The following DGCR8 variants were observed in gnomAD, a reference collection of about 807,000 sequenced individuals.
The protein encoded by DGCR8 is microprocessor complex subunit DGCR8.
DGCR8 carries 14 observed loss-of-function variants against 78.5 expected under a neutral mutation model. The ratio of observed to expected loss-of-function variants is 0.18; its 90% confidence interval spans 0.12 to 0.28. DGCR8 has a LOEUF of 0.28. DGCR8 is among the 10% of genes least tolerant of loss of function. DGCR8 has a pLI of 1.00. For synonymous variants in DGCR8, 399 were observed against 402.4 expected (o/e 0.99, Z 0.10); for missense variants, 702 against 1,022.5 (o/e 0.69, Z 4.28).
At chr22:20,109,220 GC>G in intron 13 of DGCR8, 1 of 430,550 alleles carries the variant, frequency 2.3e-6, no homozygotes, top group Admixed American at 3.5e-5. Context: ...GAGCTGGCAG[GC>G]CAGCCTGTTG....
At chr22:20,099,184 G>A (rs969542252) in intron 9 of DGCR8, among the ~76,000 whole-genome samples, 10 of 152,190 alleles carry the variant, frequency 6.6e-5, no homozygotes, top group Non-Finnish European at 1.2e-4. Flanking sequence ...AGGTCAGTCA[G>A]CTGGGAGGTT....
Position 20,111,819 on chromosome 22 carries a change from G to A in DGCR8, c.*1711G>A. The A allele has an allele frequency of 4.9e-6, 1 of 204,782 alleles. No homozygotes were observed. Among genetic ancestry groups the A allele is most frequent in the Non-Finnish European group, 9.8e-6 (1 of 102,446 alleles). The allele number at this position is 204,782 out of a possible 1,614,324, so 12.7% of individuals were successfully genotyped here. On this transcript the variant is annotated 3_prime_UTR_variant, in exon 14 of 14. Transcript: ENST00000351989. ...CTGATGCCATCCAGGGCACTGGGCT[G>A]TGCCTGGAAGGCGAGCCTTGATTGT...
chr22:20,080,472 C>T, intron 1 of DGCR8, 89 bp downstream of exon 1: 4 of 983,726 alleles, frequency 4.1e-6, no homozygotes, highest in Non-Finnish European at 4.8e-6. Flanking sequence ...CGCCTCCCTC[C>T]GGGACCGAGG....
rs1028760898 is a variant in DGCR8 at position 20,086,817 on chromosome 22, A to G, written c.720+134A>G. ...ACCAAAATCCCCTCTGAGGTGGAAT[A>G]ATGTTAATGTGGAGAAGAGAAAGAT... is the stretch of plus-strand genomic sequence containing the variant. On this transcript the variant is annotated intron_variant, in intron 2 of 13. Transcript: ENST00000351989. The surrounding 1 kb of genome is among the most constrained non-coding windows in gnomAD (Gnocchi z 6.4). The G allele has an allele frequency of 9.3e-7, 1 of 1,070,876 alleles. No individual in the cohort carries two copies. The highest frequency in any genetic ancestry group is 1.6e-5 in the African/African-American group (1 of 62,964). 66.3% of individuals were successfully genotyped at this position (1,070,876 alleles called of 1,614,324 possible). A position where few individuals can be genotyped will look rare whatever the true frequency, so the allele number is the denominator to read the frequency against.
chr22:20,104,358 G>A (rs1422212490), intron 9 of DGCR8, among the ~76,000 whole-genome samples: 1 of 151,918 alleles, frequency 6.6e-6, no homozygotes, highest in Admixed American at 6.6e-5. Context: ...TAGTAGAGAC[G>A]GGGTTTCACC....
chr22:20,097,121 C>G (rs183357474), intron 9 of DGCR8, among the ~76,000 whole-genome samples: 1 of 152,210 alleles, frequency 6.6e-6, no homozygotes, highest in Non-Finnish European at 1.5e-5. Flanking sequence ...CAATATTGAT[C>G]TGTAGTTTTC....
chr22:20,111,755 A>G lies in DGCR8; in HGVS notation c.*1647A>G. On this transcript the variant is annotated 3_prime_UTR_variant, in exon 14 of 14. Coordinates refer to ENST00000351989, the MANE Select transcript of DGCR8 (RefSeq NM_022720.7). ...TGCCAAGCATGGGTATGAATCGTGC[A>G]CACAGCCATGCTTCAAGGCCGGGGC... is the stretch of plus-strand genomic sequence containing the variant. 4.6e-6 allele frequency: 1 copy of G among 216,864 alleles called. No individual in the cohort carries two copies. Among genetic ancestry groups the G allele is most frequent in the East Asian group, 7.3e-5 (1 of 13,674 alleles). The allele number at this position is 216,864 out of a possible 1,614,324, so 13.4% of individuals were successfully genotyped here.
chr22:20,103,630 G>A (rs890789791), intron 9 of DGCR8, among the ~76,000 whole-genome samples: 7 of 152,082 alleles, frequency 4.6e-5, no homozygotes, highest in Non-Finnish European at 8.8e-5. Context: ...CTGTGTTCTT[G>A]GTGTTAAGGT....
At chr22:20,108,711 G>A (rs2049799000) in intron 12 of DGCR8, 179 bp from the exon 13 acceptor site, 3 of 475,712 alleles carry the variant, frequency 6.3e-6, no homozygotes, top group Admixed American at 3.0e-5. Flanking sequence ...CAGTGGGCCT[G>A]GCATCACTGA....
intron 13 of DGCR8, among the ~76,000 whole-genome samples, chr22:20,109,451 C>T (rs1004891883): frequency 2.0e-5 from 3 of 152,210 alleles, no homozygotes; most frequent in African/African-American, 2.4e-5. Flanking sequence ...CACGGCGTGA[C>T]CTGCCCACCT....
intron 9 of DGCR8, among the ~76,000 whole-genome samples, chr22:20,102,695 T>C (rs2049717843): frequency 6.6e-6 from 1 of 152,210 alleles, no homozygotes; most frequent in East Asian, 1.9e-4. Context: ...TGTGTCCTTT[T>C]CCTGATGCCA....
At position 20,090,142 on chromosome 22, in the gene DGCR8, C is replaced by T. The variant is rs1206626109; in HGVS notation, c.1190C>T (p.Ser397Phe). Residue 397 changes from serine (S) to phenylalanine (F), a missense_variant, in exon 5 of 14, where the codon TCT becomes TTT. This residue lies in a region of DGCR8 where 119 missense variants were observed against 126.1 expected (regional missense o/e 0.94). Coordinates refer to ENST00000351989, the MANE Select transcript of DGCR8 (RefSeq NM_022720.7). The part of the protein sequence containing the change: ...ELEFPLDEPD[S>F]MGADPGPPDE... ...GAGTTTCCCCTGGATGAGCCTGACT[C>T]TATGGGTGCTGACCCGGGGCCCCCG... 1.2e-6 allele frequency: 2 copies of T among 1,614,262 alleles called. No homozygotes were observed. The highest frequency in any genetic ancestry group is 1.7e-6 in the Non-Finnish European group (2 of 1,180,046).
rs1352881390 is a variant in DGCR8, at chr22:20,080,250, C to T, written c.-411C>T. 5.1e-6 allele frequency: 5 copies of T among 973,800 alleles called. No individual in the cohort carries two copies. Among genetic ancestry groups the T allele is most frequent in the East Asian group, 1.1e-4 (1 of 8,756 alleles). The allele number at this position is 973,800 out of a possible 1,614,324, so 60.3% of individuals were successfully genotyped here. On this transcript the variant is annotated 5_prime_UTR_variant, in exon 1 of 14. Coordinates refer to ENST00000351989, the MANE Select transcript of DGCR8 (RefSeq NM_022720.7). ...GCCGCGAAGGCCCGCCCTCCGCTCG[C>T]CCGGCGCGGCAGGCGGGTGCCGGCG... is the stretch of plus-strand genomic sequence containing the variant.
At chr22:20,092,646 C>T (rs1018796982) in intron 7 of DGCR8, among the ~76,000 whole-genome samples, 163 bp from the exon 8 acceptor site, 3 of 152,132 alleles carry the variant, frequency 2.0e-5, no homozygotes, top group Non-Finnish European at 2.9e-5. Context: ...GTCTGCTGCC[C>T]GTCTCCAGTC....
chr22:20,108,210 TGAGA>T (rs2049792724), intron 12 of DGCR8: 1 of 152,388 alleles, frequency 6.6e-6, no homozygotes, highest in Non-Finnish European at 1.5e-5. Context: ...TTAAGGAACT[TGAGA>T]GAGATTTTTG....
Position 20,110,315 on chromosome 22 carries a change from G to T in DGCR8, c.*207G>T. 1 of 572,458 alleles carries T rather than the reference G, an allele frequency of 1.7e-6. No homozygotes were observed. Among genetic ancestry groups the T allele is most frequent in the Non-Finnish European group, 3.1e-6 (1 of 323,256 alleles). 35.5% of individuals were successfully genotyped at this position (572,458 alleles called of 1,614,324 possible). A position where few individuals can be genotyped will look rare whatever the true frequency, so the allele number is the denominator to read the frequency against. On this transcript the variant is annotated 3_prime_UTR_variant, in exon 14 of 14. Coordinates refer to ENST00000351989, the MANE Select transcript of DGCR8 (RefSeq NM_022720.7). ...ACATGTGGAGCAGCGGCTCTCCCTG[G>T]AAAGCTCCAGGCCTGAATGGATGGA...
chr22:20,100,949 C>T (rs994769400), intron 9 of DGCR8: 12 of 578,778 alleles, frequency 2.1e-5, no homozygotes, highest in African/African-American at 8.1e-5. Context: ...GACCCCTCCT[C>T]GTGCTTGGAA....
rs1254961542 is a variant in DGCR8, at chr22:20,085,688, TAGA to T, written c.-268_-266del. 7.8e-7 allele frequency: 1 copy of T among 1,289,682 alleles called. No individual in the cohort carries two copies. The highest frequency in any genetic ancestry group is 9.8e-7 in the Non-Finnish European group (1 of 1,022,346). 79.9% of individuals were successfully genotyped at this position (1,289,682 alleles called of 1,614,324 possible). ...CGATATTTTTAAATTTCTTTGCAGGTAGAAGAAGAAAGGTGCCACTCCGGCATG... is the reference window on the plus strand; with the variant it reads ...CGATATTTTTAAATTTCTTTGCAGGTAGAAGAAAGGTGCCACTCCGGCATG... On this transcript the variant is annotated splice_region_variant and 5_prime_UTR_variant, in exon 2 of 14. Transcript: ENST00000351989. This position sits in a 1 kb window ranked among gnomAD's most constrained non-coding sequence, Gnocchi z 6.2.
intron 1 of DGCR8, chr22:20,080,800 G>T (rs935273642): frequency 6.6e-6 from 1 of 152,292 alleles, no homozygotes; most frequent in Admixed American, 6.5e-5. Context: ...TGAGTGTCAC[G>T]TAGATAATTG....
Sources: gnomAD v4.1 joint callset for allele counts (sites outside exome capture counted in the v4.1 genomes callset) on GRCh38, gnomAD v4.1.1 for gene constraint, gnomAD v4.1.1 regional missense constraint, Gnocchi (gnomAD v3.1) non-coding constraint, MANE v1.5 for transcripts, NCBI Gene and HGNC (gene_info 2026-07-23, HGNC 2026-07-21) for gene names.